IMMP2L: variants seen among roughly 807,000 people sequenced by gnomAD.
IMMP2L encodes mitochondrial inner membrane protease subunit 2.
Under a neutral mutation model 19.3 loss-of-function variants are expected in IMMP2L, and 18 were observed. The ratio of observed to expected loss-of-function variants is 0.93; its 90% confidence interval spans 0.64 to 1.38. The LOEUF (loss-of-function observed/expected upper bound fraction) is 1.38. IMMP2L is among the 40% of genes most tolerant of loss of function. The pLI is 0.00. For missense variants in IMMP2L, 233 were observed against 218.2 expected (o/e 1.07, Z -0.43); for synonymous variants, 76 against 73.0 (o/e 1.04, Z -0.21).
chr7:110,980,385 C>A (rs1821167223), intron 3 of IMMP2L, among the ~76,000 whole-genome samples: 1 of 151,804 alleles, frequency 6.6e-6, no homozygotes, highest in Non-Finnish European at 1.5e-5. Context: ...CCCACCACCA[C>A]GCCTGGCTAA....
intron 3 of IMMP2L, among the ~76,000 whole-genome samples, chr7:111,069,816 C>A (rs1470326773): frequency 6.6e-6 from 1 of 152,110 alleles, no homozygotes; most frequent in African/African-American, 2.4e-5. Context: ...CCCCCAGGAT[C>A]TCATTAGATC....
At chr7:110,930,739 T>C (rs1815380530) in intron 4 of IMMP2L, among the ~76,000 whole-genome samples, 1 of 152,166 alleles carries the variant, frequency 6.6e-6, no homozygotes, top group South Asian at 2.1e-4. Context: ...GGAGTTATCA[T>C]ACCAAGCTAG....
chr7:111,226,101 T>C (rs1004972744), intron 3 of IMMP2L, among the ~76,000 whole-genome samples: 1 of 152,004 alleles, frequency 6.6e-6, no homozygotes, highest in Admixed American at 6.6e-5. Flanking sequence ...ATACCTCTTC[T>C]TCCCCATTCC....
At chr7:110,737,101 CCTGT>C (rs1470144692) in intron 5 of IMMP2L, among the ~76,000 whole-genome samples, 85 of 152,242 alleles carry the variant, frequency 5.6e-4, no homozygotes, top group African/African-American at 2.0e-3. Context: ...GACAGAACAG[CCTGT>C]AGAGACTCAC....
chr7:110,704,094 G>A (rs542533176), intron 5 of IMMP2L, among the ~76,000 whole-genome samples: 11 of 152,130 alleles, frequency 7.2e-5, no homozygotes, highest in African/African-American at 2.4e-4. Context: ...TGATCCACCC[G>A]CCTTGGCCTC....
At chr7:111,479,860 A>T (rs1842029667) in intron 3 of IMMP2L, among the ~76,000 whole-genome samples, 1 of 152,124 alleles carries the variant, frequency 6.6e-6, no homozygotes, top group Admixed American at 6.6e-5. Context: ...AAGGATATAA[A>T]ATTTATAAAA....
chr7:111,330,681 C>T (rs1335496626), intron 3 of IMMP2L, among the ~76,000 whole-genome samples: 1 of 151,772 alleles, frequency 6.6e-6, no homozygotes, highest in Non-Finnish European at 1.5e-5. Flanking sequence ...TCATATCCAA[C>T]AAGAGGTTAG....
At chr7:110,897,377 T>C (rs1563063619) in intron 4 of IMMP2L, among the ~76,000 whole-genome samples, 1 of 152,118 alleles carries the variant, frequency 6.6e-6, no homozygotes, top group Non-Finnish European at 1.5e-5. Context: ...CAGGAAAAAC[T>C]GCTTAAATTC....
intron 5 of IMMP2L, among the ~76,000 whole-genome samples, chr7:110,743,861 GT>G (rs371709363): frequency 5.7e-4 from 85 of 148,400 alleles, no homozygotes; most frequent in African/African-American, 1.2e-3. Flanking sequence ...AGCTGGAGGA[GT>G]TTTTTTTTTT....
intron 5 of IMMP2L, among the ~76,000 whole-genome samples, chr7:110,738,496 A>C (rs865929438): frequency 3.3e-5 from 5 of 152,330 alleles, no homozygotes; most frequent in Middle Eastern, 3.4e-3. Context: ...AAGACTTTCG[A>C]ATTTACCCAA....
intron 5 of IMMP2L, among the ~76,000 whole-genome samples, chr7:110,796,123 T>G (rs776398050): frequency 9.2e-5 from 14 of 152,086 alleles, no homozygotes; most frequent in Non-Finnish European, 1.8e-4. Context: ...TGAAGAAGGA[T>G]GTGTTTGTTT....
At chr7:110,855,972 C>A (rs1312752996) in intron 5 of IMMP2L, among the ~76,000 whole-genome samples, 1 of 151,630 alleles carries the variant, frequency 6.6e-6, no homozygotes, top group African/African-American at 2.4e-5. Flanking sequence ...ATAGACCGAA[C>A]AATAGAAAAC....
chr7:110,842,398 G>C (rs998081995), intron 5 of IMMP2L, among the ~76,000 whole-genome samples: 1 of 152,110 alleles, frequency 6.6e-6, no homozygotes, highest in African/African-American at 2.4e-5. Context: ...CTTGAGTTCG[G>C]GTCCACAGGC....
chr7:111,483,183 T>C (rs1246051026), intron 3 of IMMP2L, among the ~76,000 whole-genome samples: 1 of 152,184 alleles, frequency 6.6e-6, no homozygotes, highest in Non-Finnish European at 1.5e-5. Context: ...ACACTATTTT[T>C]GCAACTTTTC....
chr7:111,091,327 T>C (rs913219592), intron 3 of IMMP2L: 7 of 152,136 alleles, frequency 4.6e-5, no homozygotes, highest in African/African-American at 1.7e-4. Context: ...AGAGATAAGA[T>C]TGCGTGCATG....
At chr7:111,033,119 C>A (rs2129569255) in intron 3 of IMMP2L, among the ~76,000 whole-genome samples, 1 of 152,036 alleles carries the variant, frequency 6.6e-6, no homozygotes, top group South Asian at 2.1e-4. Flanking sequence ...AACTCCATCT[C>A]AAATAATAAA....
chr7:110,950,868 A>ATATATATATATATATATG (rs1367615263), intron 4 of IMMP2L, among the ~76,000 whole-genome samples: 2 of 140,620 alleles, frequency 1.4e-5, no homozygotes, highest in Non-Finnish European at 3.0e-5. Flanking sequence ...ATATATATAT[A>ATATATATATATATATATG]TATGTATATA....
intron 5 of IMMP2L, among the ~76,000 whole-genome samples, chr7:110,867,315 G>A (rs1003575911): frequency 1.3e-5 from 2 of 151,734 alleles, no homozygotes; most frequent in Admixed American, 6.6e-5. Flanking sequence ...CTCATCATGA[G>A]GGGCTCCACC....
intron 3 of IMMP2L, among the ~76,000 whole-genome samples, chr7:111,364,990 C>T (rs1375126103): frequency 1.3e-5 from 2 of 151,116 alleles, no homozygotes; most frequent in Non-Finnish European, 3.0e-5. Flanking sequence ...AATCTATAAA[C>T]ATTATATACA....
Sources: gnomAD v4.1 joint callset for allele counts (sites outside exome capture counted in the v4.1 genomes callset) on GRCh38, gnomAD v4.1.1 for gene constraint, MANE v1.5 for transcripts, NCBI Gene and HGNC (gene_info 2026-07-23, HGNC 2026-07-21) for gene names.